Variants in POP1 observed in about 807,000 individuals in gnomAD.
The protein encoded by POP1 is POP1 ribonuclease P/MRP subunit, also known as ribonucleases P/MRP protein subunit POP1.
Under a neutral mutation model 102.2 loss-of-function variants are expected in POP1, and 75 were observed. The observed-to-expected ratio is 0.73, with a 90% CI of 0.61 to 0.89. POP1 has a LOEUF of 0.89. Among genes scored for constraint, POP1 ranks in the 40% least tolerant of loss-of-function variants. POP1 has a pLI of 0.00. For synonymous variants in POP1, 436 were observed against 464.1 expected, an observed-to-expected ratio of 0.94 and a Z score of 0.78; for missense variants, 1,116 against 1,267.4, an observed-to-expected ratio of 0.88 and a Z score of 1.81.
At chr8:98,123,584 C>G in intron 2 of POP1, 105 bp downstream of exon 2, 1 of 998,380 alleles carries the variant, frequency 1.0e-6, no homozygotes, top group Non-Finnish European at 1.5e-6. Context: ...CAAGACCATC[C>G]TGGCCAACAT....
At position 98,158,005 on chromosome 8, in the gene POP1, G is replaced by A. The variant is rs564022938; in HGVS notation, c.2809G>A (p.Val937Met). ...SSDGPAGEEP[V>M]AGQEALTLGL... ...TGATGGCCCGGCGGGGGAAGAGCCC[G>A]TGGCTGGGCAGGAAGCTCTGACTCT... Residue 937 changes from valine to methionine, a missense_variant, in exon 16 of 16, where the codon GTG (valine) becomes ATG (methionine). Coordinates refer to ENST00000401707, the MANE Select transcript of POP1 (RefSeq NM_001145860.2). The A allele has an allele frequency of 3.5e-5, 56 of 1,612,372 alleles. No homozygotes were observed. The African/African-American group carries it at 4.0e-4, about 12-fold the overall frequency.
At chr8:98,122,726 A>C (rs1375627871) in intron 1 of POP1, among the ~76,000 whole-genome samples, 2 of 152,140 alleles carry the variant, frequency 1.3e-5, no homozygotes, top group Non-Finnish European at 2.9e-5. Context: ...TAGGGCATCT[A>C]TTGTAGGGTA....
At chr8:98,136,069 TTTTTTA>T (rs1816530544) in intron 7 of POP1, among the ~76,000 whole-genome samples, 1 of 73,110 alleles carries the variant, frequency 1.4e-5, no homozygotes, top group African/African-American at 5.8e-5. Context: ...AATGTGATTT[TTTTTTA>T]TTTTTTATTT....
At position 98,156,063 on chromosome 8, in the gene POP1, A is replaced by G. The variant is rs1809639396; in HGVS notation, c.2071A>G (p.Lys691Glu). ...LEKYKRRPPA[K>E]RPNYVKLGTL... ...GTTTTTCTTTAGACGCCCTCCTGCAAAACGGCCCAACTACGTTAAGCTTGG... is the reference window on the plus strand; with the variant it reads ...GTTTTTCTTTAGACGCCCTCCTGCAGAACGGCCCAACTACGTTAAGCTTGG... Residue 691 changes from lysine to glutamate, a missense_variant, in exon 15 of 16, where the codon AAA becomes GAA. Coordinates refer to ENST00000401707, the MANE Select transcript of POP1 (RefSeq NM_001145860.2). The G allele has an allele frequency of 1.2e-6, 2 of 1,613,598 alleles. No homozygotes were observed. Among genetic ancestry groups the G allele is most frequent in the African/African-American group, 1.3e-5 (1 of 74,842 alleles).
chr8:98,141,709 A>G (rs923211625), intron 11 of POP1, among the ~76,000 whole-genome samples: 9 of 150,586 alleles, frequency 6.0e-5, no homozygotes, highest in African/African-American at 2.2e-4. Flanking sequence ...ATCCACCACA[A>G]CGCCTGGCTA....
intron 4 of POP1, among the ~76,000 whole-genome samples, chr8:98,129,519 TAGCTTA>T (rs1185187171): frequency 6.6e-6 from 1 of 152,360 alleles, no homozygotes; most frequent in East Asian, 1.9e-4. Flanking sequence ...TGTATGTCTG[TAGCTTA>T]ACTGAGATGA....
Position 98,158,016 on chromosome 8 carries a change from G to T in POP1, c.2820G>T (p.Gln940His). ...GPAGEEPVAGQEALTLGLWSG... is the reference protein window; with the variant it reads ...GPAGEEPVAGHEALTLGLWSG... ...CGGGGGAAGAGCCCGTGGCTGGGCA[G>T]GAAGCTCTGACTCTAGGGCTGTGGT... The change falls in exon 16 of 16, where the codon CAG (glutamine) becomes CAT (histidine). Residue 940 changes from glutamine to histidine, a missense_variant. Gln to His is a conservative substitution (Grantham distance 24). Coordinates refer to ENST00000401707, the MANE Select transcript of POP1 (RefSeq NM_001145860.2). 6.2e-7 allele frequency: 1 copy of T among 1,611,958 alleles called. No individual in the cohort carries two copies. The highest frequency in any genetic ancestry group is 8.5e-7 in the Non-Finnish European group (1 of 1,180,032).
In POP1 at chr8:98,156,230, T is replaced by TC. The variant is rs1245651015; in HGVS notation, c.2241dup (p.Met748HisfsTer3). 6.2e-7 allele frequency: 1 copy of TC among 1,613,906 alleles called. No homozygotes were observed. Among genetic ancestry groups the TC allele is most frequent in the South Asian group, 1.1e-5 (1 of 91,064 alleles). On this transcript the variant is annotated frameshift_variant, in exon 15 of 16. Transcript: ENST00000401707. LOFTEE classifies it high-confidence loss of function. ...TAAGAAGATCTGAGGTGCCTTGTGCTCCCATGCCTAAAAAAACTCATCAGC... is the reference window on the plus strand; with the variant it reads ...TAAGAAGATCTGAGGTGCCTTGTGCTCCCCATGCCTAAAAAAACTCATCAGC...
In POP1 at chr8:98,157,864, T is replaced by A; in HGVS notation, c.2668T>A (p.Trp890Arg). Residue 890 changes from tryptophan (W) to arginine (R), a missense_variant, in exon 16 of 16, where the codon TGG (tryptophan) becomes AGG (arginine). Trp to Arg is a moderately radical substitution (Grantham distance 101). Transcript: ENST00000401707. ...KEDFLQLHED[W>R]HYCGPQESKH... ...GGACTTCCTCCAGCTCCATGAGGAC[T>A]GGCATTACTGTGGGCCCCAGGAATC... The A allele has an allele frequency of 6.2e-7, 1 of 1,614,164 alleles. No individual in the cohort carries two copies. Among genetic ancestry groups the A allele is most frequent in the Admixed American group, 1.7e-5 (1 of 60,028 alleles).
chr8:98,128,030 C>T (rs1816264485), intron 3 of POP1, among the ~76,000 whole-genome samples: 1 of 152,092 alleles, frequency 6.6e-6, no homozygotes, highest in South Asian at 2.1e-4. Flanking sequence ...AGCCCCCGTG[C>T]CCCTCTTGTT....
Position 98,158,089 on chromosome 8 carries a change from G to A in POP1, c.2893G>A (p.Gly965Ser). The A allele has an allele frequency of 6.2e-7, 1 of 1,606,576 alleles. No homozygotes were observed. The change falls in exon 16 of 16, where the codon GGC becomes AGC. Residue 965 changes from glycine to serine, a missense_variant. Transcript: ENST00000401707. ...GTTGCACTGCTCCAGAACTCTCCTA[G>A]GCTTTGTGACTCAGGGAGATTTTTC... Reference protein sequence around the residue: ...VTLHCSRTLLGFVTQGDFSMA... With the variant: ...VTLHCSRTLLSFVTQGDFSMA...
chr8:98,134,460 TGTTGATGTCAGG>T lies in POP1; in HGVS notation c.824-10_825del. The T allele has an allele frequency of 6.2e-7, 1 of 1,613,882 alleles. No homozygotes were observed. Among genetic ancestry groups the T allele is most frequent in the South Asian group, 1.1e-5 (1 of 91,066 alleles). On this transcript the variant is annotated splice_acceptor_variant and splice_polypyrimidine_tract_variant and coding_sequence_variant and intron_variant, in exon 7 of 16. Transcript: ENST00000401707. LOFTEE classifies it high-confidence loss of function. Reference sequence around the variant, plus strand: ...ACCCGGAATTATGGAATTTTGCTTTTGTTGATGTCAGGGCTGACGTTTGCAGCAGTTCACTGC... The same window carrying T: ...ACCCGGAATTATGGAATTTTGCTTTTGCTGACGTTTGCAGCAGTTCACTGC...
chr8:98,119,416 G>C (rs1563767951), intron 1 of POP1, among the ~76,000 whole-genome samples: 2 of 152,164 alleles, frequency 1.3e-5, no homozygotes, highest in Non-Finnish European at 2.9e-5. Context: ...ACCAAAGGTT[G>C]TGTCTGGCCA....
At chr8:98,119,351 G>T (rs1364593956) in intron 1 of POP1, among the ~76,000 whole-genome samples, 1 of 152,176 alleles carries the variant, frequency 6.6e-6, no homozygotes, top group African/African-American at 2.4e-5. Context: ...AGATCTGGAA[G>T]AAAATAGACA....
At chr8:98,147,157 T>C (rs1259471428) in intron 12 of POP1, among the ~76,000 whole-genome samples, 1 of 152,218 alleles carries the variant, frequency 6.6e-6, no homozygotes, top group East Asian at 1.9e-4. Flanking sequence ...CTGGGATAGA[T>C]GACTTAGATG....
At chr8:98,132,297 G>A (rs1424485776) in intron 5 of POP1, among the ~76,000 whole-genome samples, 4 of 152,098 alleles carry the variant, frequency 2.6e-5, no homozygotes, top group Non-Finnish European at 4.4e-5. Flanking sequence ...ACCCATGATT[G>A]TATGGCCAAT....
intron 14 of POP1, among the ~76,000 whole-genome samples, chr8:98,153,331 G>C (rs1347287563): frequency 2.6e-5 from 4 of 152,016 alleles, no homozygotes; most frequent in Admixed American, 2.6e-4. Flanking sequence ...ACCCAGGAGA[G>C]GGGAGGGAAG....
In POP1 at chr8:98,146,650, TAAG is replaced by T. The variant is rs1586246550; in HGVS notation, c.1679_1681del (p.Lys560del). The T allele has an allele frequency of 1.9e-6, 3 of 1,613,382 alleles. No individual in the cohort carries two copies. The East Asian group carries it at 6.7e-5, about 36-fold the overall frequency. On this transcript the variant is annotated inframe_deletion, in exon 12 of 16. Transcript: ENST00000401707. Reference sequence around the variant, plus strand: ...GCTTTATCTGGAACCAAGATATCTGTAAGAGTGTCACAGAGAATAAAATCTCGG... The same window carrying T: ...GCTTTATCTGGAACCAAGATATCTGTAGTGTCACAGAGAATAAAATCTCGG...
chr8:98,143,933 C>T (rs1816775487), intron 11 of POP1, among the ~76,000 whole-genome samples: 1 of 151,832 alleles, frequency 6.6e-6, no homozygotes, highest in South Asian at 2.1e-4. Flanking sequence ...GCGGGCAGAT[C>T]ACCTGTGGTC....
Sources: gnomAD v4.1 joint callset for allele counts (sites outside exome capture counted in the v4.1 genomes callset) on GRCh38, gnomAD v4.1.1 for gene constraint, MANE v1.5 for transcripts, NCBI Gene and HGNC (gene_info 2026-07-23, HGNC 2026-07-21) for gene names.